The following ACOX3 variants were observed in gnomAD, a reference collection of about 807,000 sequenced individuals.
ACOX3 encodes peroxisomal acyl-coenzyme A oxidase 3.
In ACOX3, 73 loss-of-function variants were observed where a neutral mutation model predicts 81.5. The observed-to-expected ratio is 0.90, with a 90% CI of 0.74 to 1.09. The LOEUF is 1.09. ACOX3 is among the 50% of genes least tolerant of loss of function. The pLI is 0.00. For synonymous variants in ACOX3, 387 were observed against 375.1 expected (o/e 1.03, Z -0.37); for missense variants, 947 against 928.0 (o/e 1.02, Z -0.27).
chr4:8,365,111 C>T (rs916658963), downstream of ACOX3, among the ~76,000 whole-genome samples: 9 of 152,220 alleles, frequency 5.9e-5, no homozygotes, highest in East Asian at 1.9e-4. Flanking sequence ...TGACAGCCCA[C>T]GCAGGCCCAA....
At position 8,389,526 on chromosome 4, in the gene ACOX3, G is replaced by A; in HGVS notation, c.1423+86C>T. 1 of 1,589,452 alleles carries A rather than the reference G, an allele frequency of 6.3e-7. No homozygotes were observed. Among genetic ancestry groups the A allele is most frequent in the South Asian group, 1.1e-5 (1 of 89,572 alleles). On this transcript the variant is annotated intron_variant, in intron 12 of 17. Coordinates refer to ENST00000356406, the MANE Select transcript of ACOX3 (RefSeq NM_003501.3). The surrounding 1 kb of genome is among the most constrained non-coding windows in gnomAD (Gnocchi z 5.3). ...TCTGCAAACCTAGGATGCATTCACA[G>A]AACAGCTGAATCAGTGAGGCCAGGA...
chr4:8,434,326 T>C (rs1006884996), intron 1 of ACOX3, among the ~76,000 whole-genome samples: 5 of 152,194 alleles, frequency 3.3e-5, no homozygotes, highest in African/African-American at 4.8e-5. Context: ...CGAATAAACC[T>C]CTTTCTTCTT....
At chr4:8,434,619 G>A (rs2109049785) in intron 1 of ACOX3, among the ~76,000 whole-genome samples, 1 of 152,394 alleles carries the variant, frequency 6.6e-6, no homozygotes, top group Admixed American at 6.5e-5. Context: ...GAAGGAACTA[G>A]CACTTTAAGT....
At chr4:8,410,022 C>T (rs1419206014) in intron 6 of ACOX3, among the ~76,000 whole-genome samples, 190 bp downstream of exon 6, 1 of 151,772 alleles carries the variant, frequency 6.6e-6, no homozygotes, top group East Asian at 1.9e-4. Flanking sequence ...GTGGAATGCA[C>T]TGTGGGCGGG....
At chr4:8,374,933 C>T in intron 15 of ACOX3, 45 bp downstream of exon 15, 1 of 1,459,224 alleles carries the variant, frequency 6.9e-7, no homozygotes, top group Non-Finnish European at 9.1e-7. Context: ...AACACGGGGG[C>T]CCTGACTCTG....
At chr4:8,415,267 G>C (rs1388453561) in intron 3 of ACOX3, among the ~76,000 whole-genome samples, 1 of 152,208 alleles carries the variant, frequency 6.6e-6, no homozygotes, top group African/African-American at 2.4e-5. Context: ...AGCAGGGAGA[G>C]CTGTAAGGAG....
rs1722077137 is a variant in ACOX3 at position 8,414,143 on chromosome 4, G to A, written c.543+149C>T. The A allele has an allele frequency of 1.5e-6, 1 of 683,656 alleles. No individual in the cohort carries two copies. Among genetic ancestry groups the A allele is most frequent in the Non-Finnish European group, 2.5e-6 (1 of 393,880 alleles). The allele number at this position is 683,656 out of a possible 1,614,324, so 42.3% of individuals were successfully genotyped here. A position where few individuals can be genotyped will look rare whatever the true frequency, so the allele number is the denominator to read the frequency against. On this transcript the variant is annotated intron_variant, in intron 5 of 17. Coordinates refer to ENST00000356406, the MANE Select transcript of ACOX3 (RefSeq NM_003501.3). The surrounding 1 kb of genome is among the most constrained non-coding windows in gnomAD (Gnocchi z 6.1). ...TCTCCTGGGCCCCACTTTTCAGTGT[G>A]ATGAATCTCAGTGGGTATTTCTACA...
intron 14 of ACOX3, 151 bp from the exon 15 acceptor site, chr4:8,375,303 G>A (rs1274424104): frequency 4.1e-5 from 31 of 761,046 alleles, no homozygotes; most frequent in South Asian, 2.4e-4. Context: ...GCACAGATGC[G>A]GCGCAGCACG....
At chr4:8,427,274 G>A (rs763453491) in intron 1 of ACOX3, among the ~76,000 whole-genome samples, 8 of 152,222 alleles carry the variant, frequency 5.3e-5, no homozygotes, top group African/African-American at 9.7e-5. Context: ...CATTCAAGCC[G>A]AATCGGGCAA....
Position 8,399,299 on chromosome 4 carries a change from A to T in ACOX3, c.873+257T>A, listed in dbSNP as rs1720074503. Among the ~76,000 whole-genome samples the T allele has an allele frequency of 6.6e-6, 1 of 152,154 alleles. No individual in the cohort carries two copies. The highest frequency in any genetic ancestry group is 2.1e-4 in the South Asian group (1 of 4,826). The stretch of plus-strand genomic sequence containing the variant: ...ATCACTGGAAGCGAGCAGTCCTCTA[A>T]TCGCAGCCCCCGATGGGGAGTGGGC... On this transcript the variant is annotated intron_variant, in intron 8 of 17. Coordinates refer to ENST00000356406, the MANE Select transcript of ACOX3 (RefSeq NM_003501.3). The surrounding 1 kb of genome is among the most constrained non-coding windows in gnomAD (Gnocchi z 4.9).
At chr4:8,393,716 T>A (rs1719340174) in intron 10 of ACOX3, among the ~76,000 whole-genome samples, 1 of 152,026 alleles carries the variant, frequency 6.6e-6, no homozygotes, top group Admixed American at 6.6e-5. Context: ...CATAAGGGGC[T>A]GAGCTGAGGC....
chr4:8,394,645 G>A lies in ACOX3; in HGVS notation c.1154C>T (p.Ala385Val), dbSNP rs748529024. The A allele has an allele frequency of 6.2e-7, 1 of 1,613,806 alleles. No individual in the cohort carries two copies. Among genetic ancestry groups the A allele is most frequent in the South Asian group, 1.1e-5 (1 of 91,088 alleles). The change falls in exon 10 of 18, where the codon GCA (alanine) becomes GTA (valine). Residue 385 changes from alanine (A) to valine (V), a missense_variant. Coordinates refer to ENST00000356406, the MANE Select transcript of ACOX3 (RefSeq NM_003501.3). This position sits in a 1 kb window ranked among gnomAD's most constrained non-coding sequence, Gnocchi z 5.9. ...CTGTCTGGCGCTGCGGTCTCCCGAT[G>A]CAAGTCCTCGCTGGAGCTCCACCAG... is the stretch of plus-strand genomic sequence containing the variant. ...LDLVELQRGLASGDRSARQAE... is the reference protein window; with the variant it reads ...LDLVELQRGLVSGDRSARQAE...
At position 8,414,403 on chromosome 4, in the gene ACOX3, G is replaced by A. The variant is rs145109037; in HGVS notation, c.454-22C>T. 5.6e-6 allele frequency: 9 copies of A among 1,604,088 alleles called. No individual in the cohort carries two copies. Among genetic ancestry groups the A allele is most frequent in the Non-Finnish European group, 6.8e-6 (8 of 1,170,984 alleles). ...AAATCTAAATGTCAAAGCACAAAAT[G>A]ATGGAAAGCAAGAAAAGTTCTTTGT... On this transcript the variant is annotated intron_variant, in intron 4 of 17. Coordinates refer to ENST00000356406, the MANE Select transcript of ACOX3 (RefSeq NM_003501.3). This position sits in a 1 kb window ranked among gnomAD's most constrained non-coding sequence, Gnocchi z 6.1.
rs111784712 is a variant in ACOX3 at position 8,396,779 on chromosome 4, C to T, written c.1056+158G>A. Among the ~76,000 whole-genome samples the T allele has an allele frequency of 1.9e-4, 29 of 152,262 alleles. 1 individual carries two copies. The highest frequency in any genetic ancestry group is 7.0e-4 in the African/African-American group (29 of 41,540). ...AAATTAAAAACCATTTGCTGGAAGC[C>T]TTGCGGCCTGAGATGCCGCACTCCC... On this transcript the variant is annotated intron_variant, in intron 9 of 17. Transcript: ENST00000356406.
chr4:8,357,428 G>A, the ACOX3 span: 2 of 356,258 alleles, frequency 5.6e-6, no homozygotes, highest in Non-Finnish European at 1.1e-5. Context: ...AATTAAATTG[G>A]AGGGGCAACT....
rs1722637591 is a variant in ACOX3 at position 8,419,004 on chromosome 4, CTAAAAT to C, written c.-14-2475_-14-2470del. On this transcript the variant is annotated intron_variant, in intron 1 of 17. Coordinates refer to ENST00000356406, the MANE Select transcript of ACOX3 (RefSeq NM_003501.3). This position sits in a 1 kb window ranked among gnomAD's most constrained non-coding sequence, Gnocchi z 4.2. Reference sequence around the variant, plus strand: ...TAGGATGGCAATGAGCAAAAAGATACTAAAATACTAAATGCCGGCTATAGTGGCACG... The same window carrying C: ...TAGGATGGCAATGAGCAAAAAGATACACTAAATGCCGGCTATAGTGGCACG... Among the ~76,000 whole-genome samples, 1 of 14,534 alleles carries C rather than the reference CTAAAAT, an allele frequency of 6.9e-5. No individual in the cohort carries two copies. Among genetic ancestry groups the C allele is most frequent in the African/African-American group, 1.2e-3 (1 of 840 alleles). The allele number at this position is 14,534 out of a possible 152,430, so 9.5% of individuals were successfully genotyped here. A position where few individuals can be genotyped will look rare whatever the true frequency, so the allele number is the denominator to read the frequency against.
In ACOX3 at chr4:8,381,069, C is replaced by G. The variant is rs192861124; in HGVS notation, c.1653+423G>C. On this transcript the variant is annotated intron_variant, in intron 14 of 17. Coordinates refer to ENST00000356406, the MANE Select transcript of ACOX3 (RefSeq NM_003501.3). This position sits in a 1 kb window ranked among gnomAD's most constrained non-coding sequence, Gnocchi z 4.3. ...TTTCCAAGGCCAACGATGACCCACT[C>G]ACCATTGCCACCCCAGCCCCTCGGG... 2.8e-4 allele frequency among the ~76,000 whole-genome samples: 42 copies of G among 152,320 alleles called. No individual in the cohort carries two copies. The highest frequency in any genetic ancestry group is 2.4e-3 in the Admixed American group (37 of 15,298).
intron 11 of ACOX3, among the ~76,000 whole-genome samples, chr4:8,391,012 T>C (rs1718921380): frequency 6.6e-6 from 1 of 151,268 alleles, no homozygotes; most frequent in Non-Finnish European, 1.5e-5. Context: ...TGTATATGTA[T>C]GTGTATATGT....
chr4:8,361,291 T>C (rs1464286403), downstream of ACOX3, among the ~76,000 whole-genome samples: 1 of 150,184 alleles, frequency 6.7e-6, no homozygotes, highest in African/African-American at 2.4e-5. Flanking sequence ...CCAGGCGTGG[T>C]TGTGGGCGCC....
Sources: gnomAD v4.1 joint callset for allele counts (sites outside exome capture counted in the v4.1 genomes callset) on GRCh38, gnomAD v4.1.1 for gene constraint, Gnocchi (gnomAD v3.1) non-coding constraint, MANE v1.5 for transcripts, NCBI Gene and HGNC (gene_info 2026-07-23, HGNC 2026-07-21) for gene names.